MYO1D: variants seen among roughly 807,000 people sequenced by gnomAD.
MYO1D encodes myosin ID, also known as unconventional myosin-Id.
A neutral mutation model predicts 122.0 loss-of-function variants in MYO1D; 83 were observed. The ratio of observed to expected loss-of-function variants is 0.68; its 90% CI spans 0.57 to 0.82. The LOEUF (loss-of-function observed/expected upper bound fraction) is 0.82, where lower values mean the gene tolerates loss of function less well. Ranked by LOEUF, MYO1D falls within the 40% of genes least tolerant of loss-of-function variation. The pLI is 0.00. For missense variants in MYO1D, 1,157 were observed against 1,269.5 expected, an observed-to-expected ratio of 0.91 and a Z score of 1.35; for synonymous variants, 464 against 446.9, an observed-to-expected ratio of 1.04 and a Z score of -0.48.
chr17:32,872,858 G>A (rs1471139700), intron 1 of MYO1D, among the ~76,000 whole-genome samples: 2 of 151,358 alleles, frequency 1.3e-5, no homozygotes, highest in South Asian at 2.1e-4. Flanking sequence ...CACCGCGCCC[G>A]GCTAATTTTT....
chr17:32,747,976 C>T (rs551879492), intron 12 of MYO1D, among the ~76,000 whole-genome samples: 2 of 152,158 alleles, frequency 1.3e-5, no homozygotes, highest in Non-Finnish European at 2.9e-5. Flanking sequence ...AAGGAACAGA[C>T]TCCTCTCTAC....
intron 21 of MYO1D, among the ~76,000 whole-genome samples, chr17:32,511,051 G>A (rs1004546249): frequency 1.1e-4 from 17 of 152,046 alleles, no homozygotes; most frequent in African/African-American, 3.9e-4. Context: ...AGAGGGCTGG[G>A]GCCACCTCAG....
At position 32,771,221 on chromosome 17, in the gene MYO1D, CT is replaced by C. The variant is rs1163118647; in HGVS notation, c.619-2del. 3 of 1,592,568 alleles carry C rather than the reference CT, an allele frequency of 1.9e-6. No individual in the cohort carries two copies. The East Asian group carries it at 6.7e-5, about 36-fold the overall frequency. On this transcript the variant is annotated splice_acceptor_variant, in intron 5 of 21. Coordinates refer to ENST00000318217, the MANE Select transcript of MYO1D (RefSeq NM_015194.3). LOFTEE classifies it high-confidence loss of function. ...TTTGTTCTGAACCTCCTTGGAGTAGCTGAAAAATATTTAATTAGAAATAAAT... is the reference window on the plus strand; with the variant it reads ...TTTGTTCTGAACCTCCTTGGAGTAGCGAAAAATATTTAATTAGAAATAAAT...
At chr17:32,759,483 G>A (rs1800868739) in intron 10 of MYO1D, among the ~76,000 whole-genome samples, 1 of 151,978 alleles carries the variant, frequency 6.6e-6, no homozygotes, top group African/African-American at 2.4e-5. Flanking sequence ...TCTATTCTCT[G>A]GCAAGAGGAT....
In MYO1D at chr17:32,500,986, G is replaced by A. The variant is rs987684673; in HGVS notation, c.2865-6071C>T. On this transcript the variant is annotated intron_variant, in intron 21 of 21. Coordinates refer to ENST00000318217, the MANE Select transcript of MYO1D (RefSeq NM_015194.3). The stretch of plus-strand genomic sequence containing the variant: ...ATCGTGCCACTGCACTCCAGCATGG[G>A]TGACAGAGTGAGACTCCATCTCAAA... Among the ~76,000 whole-genome samples, 6 of 150,762 alleles carry A rather than the reference G, an allele frequency of 4.0e-5. No homozygotes were observed. In the East Asian group the frequency reaches 9.7e-4, roughly 24 times the overall value.
chr17:32,630,088 A>G (rs2150932652), intron 20 of MYO1D, among the ~76,000 whole-genome samples: 1 of 152,338 alleles, frequency 6.6e-6, no homozygotes, highest in Admixed American at 6.5e-5. Flanking sequence ...GTTTAACTTC[A>G]TATAAAGATG....
intron 11 of MYO1D, among the ~76,000 whole-genome samples, chr17:32,750,560 A>G (rs1415161231): frequency 6.6e-6 from 1 of 152,170 alleles, no homozygotes; most frequent in Non-Finnish European, 1.5e-5. Flanking sequence ...GCTTGTAGTG[A>G]GCCGAGATCA....
chr17:32,560,334 G>C (rs2087107628), intron 21 of MYO1D, among the ~76,000 whole-genome samples: 1 of 151,532 alleles, frequency 6.6e-6, no homozygotes, highest in African/African-American at 2.4e-5. Context: ...GAATAAGCTA[G>C]TCTCTTCTTT....
At chr17:32,710,764 A>G (rs949284663) in intron 16 of MYO1D, among the ~76,000 whole-genome samples, 4 of 152,368 alleles carry the variant, frequency 2.6e-5, no homozygotes, top group African/African-American at 9.6e-5. Flanking sequence ...GTAGAAAAAC[A>G]AAGTATGAAT....
At chr17:32,516,891 T>A (rs1909911653) in intron 21 of MYO1D, among the ~76,000 whole-genome samples, 2 of 152,262 alleles carry the variant, frequency 1.3e-5, no homozygotes, top group Non-Finnish European at 2.9e-5. Context: ...TCCACATACC[T>A]GGCTGGTGTA....
intron 8 of MYO1D, among the ~76,000 whole-genome samples, chr17:32,761,191 G>A (rs1258333809): frequency 3.9e-5 from 6 of 152,060 alleles, no homozygotes; most frequent in South Asian, 2.1e-4. Flanking sequence ...TTCACATCCC[G>A]ATACACATGT....
intron 1 of MYO1D, among the ~76,000 whole-genome samples, chr17:32,832,131 T>C (rs1358342003): frequency 6.6e-6 from 1 of 151,838 alleles, no homozygotes; most frequent in Non-Finnish European, 1.5e-5. Context: ...TTTTTTTTTT[T>C]GAGACAGGGT....
intron 21 of MYO1D, among the ~76,000 whole-genome samples, chr17:32,506,212 CA>C (rs1909497903): frequency 1.3e-5 from 2 of 152,150 alleles, no homozygotes; most frequent in African/African-American, 4.8e-5. Flanking sequence ...CAATGAGGAG[CA>C]AATAAACAGG....
chr17:32,517,666 G>C (rs1034749956), intron 21 of MYO1D, among the ~76,000 whole-genome samples: 1 of 152,072 alleles, frequency 6.6e-6, no homozygotes, highest in Non-Finnish European at 1.5e-5. Context: ...CCCTGGGAAC[G>C]ACCGGAAGAA....
At chr17:32,732,537 T>C (rs1438841977) in intron 14 of MYO1D, among the ~76,000 whole-genome samples, 1 of 152,132 alleles carries the variant, frequency 6.6e-6, no homozygotes, top group Non-Finnish European at 1.5e-5. Context: ...TTCATACTGC[T>C]GGTCTCCTCT....
At chr17:32,668,117 T>G (rs1044171880) in intron 16 of MYO1D, among the ~76,000 whole-genome samples, 15 of 152,250 alleles carry the variant, frequency 9.9e-5, no homozygotes, top group Admixed American at 9.2e-4. Flanking sequence ...TGTTTGGTTT[T>G]GTTTTCTTAA....
chr17:32,507,845 T>C (rs1194025248), intron 21 of MYO1D, among the ~76,000 whole-genome samples: 2 of 151,630 alleles, frequency 1.3e-5, no homozygotes, highest in Admixed American at 6.6e-5. Flanking sequence ...AAGGTGGCAG[T>C]CTGCAACCCT....
At chr17:32,708,852 C>T (rs1477046559) in intron 16 of MYO1D, among the ~76,000 whole-genome samples, 1 of 152,202 alleles carries the variant, frequency 6.6e-6, no homozygotes, top group Admixed American at 6.5e-5. Flanking sequence ...CTTTTAGAAT[C>T]TCTTTCCTAG....
intron 16 of MYO1D, among the ~76,000 whole-genome samples, chr17:32,667,806 T>C (rs1283541823): frequency 6.6e-6 from 1 of 152,226 alleles, no homozygotes; most frequent in Non-Finnish European, 1.5e-5. Context: ...TCCAGATTCA[T>C]TAACCTTGCA....
Sources: gnomAD v4.1 joint callset for allele counts (sites outside exome capture counted in the v4.1 genomes callset) on GRCh38, gnomAD v4.1.1 for gene constraint, MANE v1.5 for transcripts, NCBI Gene and HGNC (gene_info 2026-07-23, HGNC 2026-07-21) for gene names.